LZIC: variants seen among roughly 807,000 people sequenced by gnomAD.
LZIC encodes leucine zipper and CTNNBIP1 domain containing.
A neutral mutation model predicts 25.4 loss-of-function variants in LZIC; 28 were observed. That is an observed-to-expected ratio of 1.10 (90% CI 0.82 to 1.51). The LOEUF is 1.51. Among genes scored for constraint, LZIC ranks in the 40% most tolerant of loss-of-function variants. The probability of loss-of-function intolerance (pLI) is 0.00; values close to 1 mark genes in which losing one functional copy is unlikely to be tolerated. For missense variants in LZIC, 170 were observed against 211.1 expected, an observed-to-expected ratio of 0.81 and a Z score of 1.21; for synonymous variants, 65 against 70.7, an observed-to-expected ratio of 0.92 and a Z score of 0.40.
At chr1:9,932,674 A>C in intron 6 of LZIC, 129 bp downstream of exon 6, 1 of 515,454 alleles carries the variant, frequency 1.9e-6, no homozygotes, top group Non-Finnish European at 3.3e-6. Flanking sequence ...CAAGAGCGGA[A>C]CTCCGTCTCA....
At chr1:9,940,098 G>A (rs1640641974) in intron 2 of LZIC, among the ~76,000 whole-genome samples, 1 of 151,684 alleles carries the variant, frequency 6.6e-6, no homozygotes, top group African/African-American at 2.4e-5. Context: ...CAGCCTGGGA[G>A]ACAGAGTGAG....
chr1:9,931,936 C>T lies in LZIC; in HGVS notation c.469G>A (p.Ala157Thr). ...TCAAACTGGCTGAGTATAGCACCTGCATTTGCTGACAAGAAGGCCTCATCA... is the reference window on the plus strand; with the variant it reads ...TCAAACTGGCTGAGTATAGCACCTGTATTTGCTGACAAGAAGGCCTCATCA... Reference protein sequence around the residue: ...ADDEAFLSANAGAILSQFEKV... With the variant: ...ADDEAFLSANTGAILSQFEKV... The change falls in exon 7 of 8, where the codon GCA becomes ACA. Residue 157 changes from alanine to threonine, a missense_variant. By Grantham distance (58) the Ala-to-Thr change is moderately conservative (BLOSUM62 0). Coordinates refer to ENST00000377223, the MANE Select transcript of LZIC (RefSeq NM_032368.5). The T allele has an allele frequency of 6.2e-7, 1 of 1,613,852 alleles. No individual in the cohort carries two copies. The highest frequency in any genetic ancestry group is 8.5e-7 in the Non-Finnish European group (1 of 1,179,868).
chr1:9,930,396 A>G lies in LZIC; in HGVS notation c.*3T>C, dbSNP rs1365673086. 1.2e-6 allele frequency: 2 copies of G among 1,613,742 alleles called. No individual in the cohort carries two copies. The highest frequency in any genetic ancestry group is 1.7e-6 in the Non-Finnish European group (2 of 1,179,742). On this transcript the variant is annotated 3_prime_UTR_variant, in exon 8 of 8. Coordinates refer to ENST00000377223, the MANE Select transcript of LZIC (RefSeq NM_032368.5). ...GATCAATGTTACAAGCTTCTGCACC[A>G]TGTCATTTTTTTGTTTTTTCAACCT... is the stretch of plus-strand genomic sequence containing the variant.
chr1:9,934,778 C>T lies in LZIC; in HGVS notation c.320G>A (p.Arg107Gln), dbSNP rs1460474271. ...AAATTTTACCTCTGCTAACCTTGTC[C>T]GAAGCTGACCTGGTTGTTTCTTTGC... ...LFAKKQPGQL[R>Q]TRLAEMDRDL... is the part of the protein sequence containing the mutation. The change falls in exon 5 of 8, where the codon CGG becomes CAG. Residue 107 changes from arginine to glutamine, a missense_variant. By Grantham distance (43) the Arg-to-Gln change is conservative. Transcript: ENST00000377223. 1.2e-6 allele frequency: 2 copies of T among 1,613,914 alleles called. No homozygotes were observed. Among genetic ancestry groups the T allele is most frequent in the Non-Finnish European group, 1.7e-6 (2 of 1,179,878 alleles).
downstream of LZIC, chr1:9,922,350 G>A: frequency 6.1e-6 from 6 of 984,812 alleles, no homozygotes; most frequent in Non-Finnish European, 7.2e-6. Flanking sequence ...ATGTAACTTG[G>A]GGGCCGTCCT....
chr1:9,939,773 C>T (rs1288197075), intron 2 of LZIC, among the ~76,000 whole-genome samples: 1 of 152,062 alleles, frequency 6.6e-6, no homozygotes, highest in African/African-American at 2.4e-5. Context: ...TTCTTGTGCA[C>T]TTTCTCTTCC....
chr1:9,925,307 C>T (rs1431871004), downstream of LZIC, among the ~76,000 whole-genome samples: 1 of 152,140 alleles, frequency 6.6e-6, no homozygotes, highest in Non-Finnish European at 1.5e-5. Context: ...GAACGAAACT[C>T]CGTCTCAAAA....
chr1:9,924,531 T>G (rs910157290), downstream of LZIC, among the ~76,000 whole-genome samples: 1 of 152,068 alleles, frequency 6.6e-6, no homozygotes, highest in African/African-American at 2.4e-5. Flanking sequence ...ATTTTTTGTA[T>G]TTTTACTAGA....
At chr1:9,924,810 G>C (rs1397629571), downstream of LZIC, among the ~76,000 whole-genome samples, 2 of 152,090 alleles carry the variant, frequency 1.3e-5, no homozygotes, top group African/African-American at 4.8e-5. Flanking sequence ...GAATAGCCTC[G>C]TGTAATATGA....
At chr1:9,940,229 T>C (rs1489301404) in intron 2 of LZIC, among the ~76,000 whole-genome samples, 2 of 151,788 alleles carry the variant, frequency 1.3e-5, no homozygotes, top group Non-Finnish European at 2.9e-5. Flanking sequence ...CAGGCTGGAG[T>C]GCAGTGGAGC....
rs1011357305 is a variant in LZIC at position 9,940,218 on chromosome 1, C to G, written c.-9+2406G>C. ...TTGAGACAGAGTCTTGCTCTGTCGC[C>G]CAGGCTGGAGTGCAGTGGAGCAATC... On this transcript the variant is annotated intron_variant, in intron 2 of 7. Transcript: ENST00000377223. 4.0e-5 allele frequency among the ~76,000 whole-genome samples: 6 copies of G among 151,380 alleles called. No individual in the cohort carries two copies. The South Asian group carries it at 1.2e-3, about 31-fold the overall frequency.
intron 3 of LZIC, 100 bp from the exon 4 acceptor site, chr1:9,935,727 C>A: frequency 1.8e-6 from 2 of 1,109,162 alleles, no homozygotes; most frequent in South Asian, 1.6e-5. Context: ...AGGGAAATAT[C>A]AAAATGCTGA....
At chr1:9,940,027 G>A (rs991108544) in intron 2 of LZIC, among the ~76,000 whole-genome samples, 1 of 151,948 alleles carries the variant, frequency 6.6e-6, no homozygotes, top group African/African-American at 2.4e-5. Flanking sequence ...GCTGAGGTGG[G>A]AGAATCATCC....
downstream of LZIC, among the ~76,000 whole-genome samples, chr1:9,923,877 C>T (rs370244566): frequency 6.6e-6 from 1 of 151,986 alleles, no homozygotes; most frequent in South Asian, 2.1e-4. Flanking sequence ...CTCAGCCTCC[C>T]GAGTAGCCGG....
rs907527181 is a variant in LZIC at position 9,942,715 on chromosome 1, G to C, written c.-100C>G. On this transcript the variant is annotated 5_prime_UTR_variant, in exon 2 of 8. Coordinates refer to ENST00000377223, the MANE Select transcript of LZIC (RefSeq NM_032368.5). ...TTGACGTTCCGAGTGTCATAAACTT[G>C]AGGAAAATGAAATTATTCATCAGGA... 6.2e-6 allele frequency: 8 copies of C among 1,288,650 alleles called. No homozygotes were observed. The highest frequency in any genetic ancestry group is 7.1e-6 in the Non-Finnish European group (7 of 988,314). 79.8% of individuals were successfully genotyped at this position (1,288,650 alleles called of 1,614,324 possible).
chr1:9,941,721 T>C (rs537491337), intron 2 of LZIC, among the ~76,000 whole-genome samples: 14 of 151,900 alleles, frequency 9.2e-5, no homozygotes, highest in Non-Finnish European at 1.6e-4. Flanking sequence ...ATGGTCTCGA[T>C]CTCTTGCCCT....
intron 4 of LZIC, 41 bp from the exon 5 acceptor site, chr1:9,934,901 A>G (rs1453145044): frequency 2.1e-6 from 3 of 1,406,806 alleles, no homozygotes; most frequent in Non-Finnish European, 3.0e-6. Context: ...AAATAGTCCA[A>G]CAAATCAGAT....
intron 2 of LZIC, among the ~76,000 whole-genome samples, chr1:9,939,719 A>C (rs1415659770): frequency 2.6e-5 from 4 of 152,084 alleles, no homozygotes; most frequent in Non-Finnish European, 5.9e-5. Context: ...ATAACTGATA[A>C]TGACTTGCCT....
intron 7 of LZIC, among the ~76,000 whole-genome samples, chr1:9,931,331 C>A (rs902700650): frequency 6.6e-6 from 1 of 151,962 alleles, no homozygotes; most frequent in Non-Finnish European, 1.5e-5. Flanking sequence ...GGCACAATCT[C>A]GGCTCACTGC....
Sources: allele counts gnomAD v4.1 joint callset (sites outside exome capture counted in the v4.1 genomes callset), GRCh38; gene constraint gnomAD v4.1.1; transcripts MANE v1.5; gene names NCBI Gene and HGNC (gene_info 2026-07-23, HGNC 2026-07-21).